FSAF1: variants seen among roughly 807,000 people sequenced by gnomAD.
FSAF1 encodes uncharacterized protein C1orf131.
At chr1:231,237,066 C>T in the FSAF1 span, 1 of 147,982 alleles carries the variant, frequency 6.8e-6, no homozygotes, top group South Asian at 2.1e-4. Flanking sequence ...ACAATCACAG[C>T]CCACTGCAGT....
chr1:231,236,799 T>C, the FSAF1 span: 1 of 152,108 alleles, frequency 6.6e-6, no homozygotes, highest in African/African-American at 2.4e-5. Flanking sequence ...ATACAGAAAA[T>C]ACCAGTATTT....
the FSAF1 span, chr1:231,241,161 G>T: frequency 1.3e-6 from 2 of 1,597,906 alleles, no homozygotes; most frequent in Non-Finnish European, 1.7e-6. Flanking sequence ...CTGCACCCCC[G>T]CTTCCGGGTT....
the FSAF1 span, among the ~76,000 whole-genome samples, chr1:231,236,122 G>A: frequency 6.6e-6 from 1 of 152,168 alleles, no homozygotes; most frequent in Non-Finnish European, 1.5e-5. Flanking sequence ...GAGAACAAGG[G>A]CACAACTATA....
chr1:231,239,202 C>T, the FSAF1 span: 5 of 1,527,104 alleles, frequency 3.3e-6, no homozygotes, highest in South Asian at 6.4e-5. Context: ...TTTGTTCAAA[C>T]ACAAGAAGGA....
the FSAF1 span, among the ~76,000 whole-genome samples, chr1:231,233,427 A>G: frequency 2.5e-4 from 38 of 152,374 alleles, no homozygotes; most frequent in African/African-American, 8.9e-4. Flanking sequence ...ACATTTTAAA[A>G]AGGCAAAACT....
chr1:231,224,196 C>T, the FSAF1 span: 14 of 1,407,352 alleles, frequency 9.9e-6, no homozygotes, highest in East Asian at 2.4e-5. Context: ...GTGTTAAGAA[C>T]GATCTATCTA....
At chr1:231,239,546 T>C in the FSAF1 span, among the ~76,000 whole-genome samples, 5 of 152,252 alleles carry the variant, frequency 3.3e-5, no homozygotes, top group Non-Finnish European at 5.9e-5. Context: ...TTTTTAACAC[T>C]TTCTGGGTTA....
At chr1:231,241,032 TAA>T in the FSAF1 span, 1 of 1,613,688 alleles carries the variant, frequency 6.2e-7, no homozygotes. Context: ...ACCAAAGTCG[TAA>T]AGGTTCTGGA....
At chr1:231,235,058 A>G in the FSAF1 span, among the ~76,000 whole-genome samples, 11 of 152,352 alleles carry the variant, frequency 7.2e-5, no homozygotes, top group South Asian at 2.3e-3. Flanking sequence ...AGTATACTCC[A>G]TAAAGGCAAA....
chr1:231,224,430 G>A, the FSAF1 span: 1 of 1,599,140 alleles, frequency 6.3e-7, no homozygotes, highest in African/African-American at 1.4e-5. Flanking sequence ...TTTAAAGTAA[G>A]AGAAAGGTAC....
chr1:231,239,048 C>A, the FSAF1 span: 1 of 1,614,172 alleles, frequency 6.2e-7, no homozygotes, highest in Non-Finnish European at 8.5e-7. Flanking sequence ...AAGCTCGAAG[C>A]GCTCTTCCTC....
the FSAF1 span, among the ~76,000 whole-genome samples, chr1:231,233,735 TAA>T: frequency 2.0e-5 from 3 of 152,262 alleles, no homozygotes; most frequent in South Asian, 6.2e-4. Context: ...GTATTTTTAG[TAA>T]AGACAGGATT....
chr1:231,227,002 G>T, the FSAF1 span: 149 of 1,614,020 alleles, frequency 9.2e-5, no homozygotes, highest in Admixed American at 3.5e-4. Flanking sequence ...GCACGTTCCT[G>T]TTCCAGGATT....
chr1:231,233,392 C>G, the FSAF1 span, among the ~76,000 whole-genome samples: 1 of 152,136 alleles, frequency 6.6e-6, no homozygotes, highest in Non-Finnish European at 1.5e-5. Flanking sequence ...GGGTCAGGTT[C>G]CAGCTTTAAA....
the FSAF1 span, among the ~76,000 whole-genome samples, chr1:231,236,348 A>C: frequency 1.3e-5 from 2 of 152,144 alleles, no homozygotes; most frequent in Admixed American, 1.3e-4. Flanking sequence ...AACCAGACAC[A>C]CTCACATTTT....
chr1:231,235,519 G>A, the FSAF1 span, among the ~76,000 whole-genome samples: 1 of 151,518 alleles, frequency 6.6e-6, no homozygotes, highest in Non-Finnish European at 1.5e-5. Context: ...GGGACATGAT[G>A]GCTGGGCACA....
the FSAF1 span, chr1:231,224,134 G>A: frequency 3.1e-5 from 30 of 954,850 alleles, 1 homozygote; most frequent in South Asian, 6.1e-4. Flanking sequence ...AACTAGAAAT[G>A]TTACTTCTGT....
chr1:231,227,970 G>A, the FSAF1 span, among the ~76,000 whole-genome samples: 15 of 152,266 alleles, frequency 9.9e-5, no homozygotes, highest in Admixed American at 7.2e-4. Flanking sequence ...TCAATGCAGA[G>A]CTCTGTAGTT....
At chr1:231,235,422 G>A in the FSAF1 span, among the ~76,000 whole-genome samples, 2 of 151,838 alleles carry the variant, frequency 1.3e-5, no homozygotes, top group Admixed American at 6.6e-5. Context: ...GCTTGAACCC[G>A]GGAGGCGGAG....
Sources: allele counts gnomAD v4.1 joint callset (sites outside exome capture counted in the v4.1 genomes callset), GRCh38; gene constraint gnomAD v4.1.1; transcripts MANE v1.5; gene names NCBI Gene and HGNC (gene_info 2026-07-23, HGNC 2026-07-21).